Variants in UBR3 observed in about 807,000 individuals in gnomAD.
UBR3 encodes the protein E3 ubiquitin-protein ligase UBR3.
UBR3 carries 85 observed loss-of-function variants against 243.2 expected under a neutral mutation model. The ratio of observed to expected loss-of-function variants is 0.35; its 90% CI spans 0.29 to 0.42. The LOEUF (loss-of-function observed/expected upper bound fraction) is 0.42. Among genes scored for constraint, UBR3 ranks in the 10% least tolerant of loss-of-function variants. The pLI is 1.00. For synonymous variants in UBR3, 748 were observed against 799.8 expected (o/e 0.94, Z 1.09); for missense variants, 1,686 against 2,300.8 (o/e 0.73, Z 5.47).
At chr2:169,884,588 C>G (rs1231129142) in intron 5 of UBR3, among the ~76,000 whole-genome samples, 1 of 152,154 alleles carries the variant, frequency 6.6e-6, no homozygotes, top group Admixed American at 6.5e-5. Context: ...TTCCGCTAGT[C>G]TCTTTTTGGG....
intron 24 of UBR3, among the ~76,000 whole-genome samples, chr2:169,976,484 G>C (rs772152957): frequency 9.9e-5 from 15 of 152,056 alleles, no homozygotes; most frequent in Non-Finnish European, 1.9e-4. Flanking sequence ...GTCTAGGAGA[G>C]ACTTTATTTC....
intron 19 of UBR3, among the ~76,000 whole-genome samples, chr2:169,937,911 A>G (rs2086407463): frequency 6.6e-6 from 1 of 152,190 alleles, no homozygotes; most frequent in Admixed American, 6.5e-5. Context: ...CCAGAAGGAA[A>G]TGGTATTGGT....
intron 11 of UBR3, among the ~76,000 whole-genome samples, chr2:169,921,666 A>T (rs1161187210): frequency 6.6e-6 from 1 of 152,176 alleles, no homozygotes; most frequent in African/African-American, 2.4e-5. Flanking sequence ...TAACTTGCCC[A>T]TAGTTTTACA....
chr2:169,889,976 G>A (rs537983608), intron 5 of UBR3, among the ~76,000 whole-genome samples: 6 of 152,214 alleles, frequency 3.9e-5, no homozygotes, highest in South Asian at 4.2e-4. Context: ...CCACATTACC[G>A]CACCTCTTTA....
At chr2:169,895,424 A>G (rs1235807076) in intron 7 of UBR3, 113 bp downstream of exon 7, 1 of 1,175,050 alleles carries the variant, frequency 8.5e-7, no homozygotes, top group Non-Finnish European at 1.2e-6. Context: ...CACTATAAAC[A>G]AGTGTTAGTT....
intron 13 of UBR3, 113 bp downstream of exon 13, chr2:169,924,286 T>A: frequency 1.2e-6 from 1 of 822,332 alleles, no homozygotes; most frequent in Non-Finnish European, 1.8e-6. Context: ...AAAACTTTTT[T>A]TAAAAAGTTG....
At chr2:170,014,007 C>A (rs145652837) in intron 29 of UBR3, 2 of 457,958 alleles carry the variant, frequency 4.4e-6, no homozygotes, top group Non-Finnish European at 9.1e-6. Flanking sequence ...CAATGCAAAT[C>A]GCCTGAAGGG....
At chr2:169,861,579 C>G (rs1050592970) in intron 1 of UBR3, among the ~76,000 whole-genome samples, 2 of 149,042 alleles carry the variant, frequency 1.3e-5, no homozygotes, top group African/African-American at 5.0e-5. Flanking sequence ...TGCACTCCAG[C>G]CTGGGTGACA....
chr2:169,843,914 A>G (rs571461514), intron 1 of UBR3, among the ~76,000 whole-genome samples: 1 of 152,030 alleles, frequency 6.6e-6, no homozygotes, highest in South Asian at 2.1e-4. Context: ...GAAACAATCT[A>G]GGTTTGGAAT....
rs952504364 is a variant in UBR3, at chr2:169,839,044, A to G, written c.545+10992A>G. Reference sequence around the variant, plus strand: ...TATATATCCAAAAAAAGGGAAATCAATATATGGAAAAGAGACCTGAAGTCC... The same window carrying G: ...TATATATCCAAAAAAAGGGAAATCAGTATATGGAAAAGAGACCTGAAGTCC... On this transcript the variant is annotated intron_variant, in intron 1 of 38. Transcript: ENST00000272793. 2.0e-5 allele frequency among the ~76,000 whole-genome samples: 3 copies of G among 152,264 alleles called. No individual in the cohort carries two copies. The East Asian group carries it at 5.8e-4, about 29-fold the overall frequency.
intron 1 of UBR3, among the ~76,000 whole-genome samples, chr2:169,871,484 G>A (rs1323108233): frequency 6.6e-6 from 1 of 151,292 alleles, no homozygotes; most frequent in African/African-American, 2.4e-5. Flanking sequence ...AATGAATATA[G>A]GCCAGGCACA....
chr2:170,041,072 G>A, intron 32 of UBR3, 87 bp downstream of exon 32: 1 of 1,325,756 alleles, frequency 7.5e-7, no homozygotes. Flanking sequence ...GCTGGGTGTG[G>A]TGGCTCATGC....
chr2:169,979,818 T>C (rs975795572), intron 24 of UBR3, among the ~76,000 whole-genome samples: 8 of 152,202 alleles, frequency 5.3e-5, no homozygotes, highest in Admixed American at 3.3e-4. Flanking sequence ...TAAAGTTCGA[T>C]ATGTAACACT....
chr2:170,033,293 C>T (rs1486033366), intron 31 of UBR3, among the ~76,000 whole-genome samples: 1 of 151,990 alleles, frequency 6.6e-6, no homozygotes, highest in Non-Finnish European at 1.5e-5. Context: ...TATAGTACTT[C>T]ATGCTAGGCA....
rs2083701497 is a variant in UBR3, at chr2:169,878,505, A to G, written c.989-20A>G. The G allele has an allele frequency of 1.3e-6, 2 of 1,548,596 alleles. No individual in the cohort carries two copies. Among genetic ancestry groups the G allele is most frequent in the Non-Finnish European group, 1.7e-6 (2 of 1,145,242 alleles). On this transcript the variant is annotated intron_variant, in intron 4 of 38. Transcript: ENST00000272793. Reference sequence around the variant, plus strand: ...TATGTAGCAACTATGAAGGACAACTATTTTTCTTCTCCTCCAAAGGTTTCA... The same window carrying G: ...TATGTAGCAACTATGAAGGACAACTGTTTTTCTTCTCCTCCAAAGGTTTCA...
chr2:169,920,071 C>T (rs2085631172), intron 11 of UBR3, among the ~76,000 whole-genome samples: 1 of 152,090 alleles, frequency 6.6e-6, no homozygotes, highest in Non-Finnish European at 1.5e-5. Flanking sequence ...AAATGTCCAA[C>T]AATGATAGAG....
At chr2:169,921,078 C>A (rs186428348) in intron 11 of UBR3, among the ~76,000 whole-genome samples, 5 of 152,208 alleles carry the variant, frequency 3.3e-5, no homozygotes. Flanking sequence ...TAATTTGATA[C>A]CTCATCAAAT....
At chr2:170,046,288 T>C (rs999668151) in intron 32 of UBR3, among the ~76,000 whole-genome samples, 3 of 152,194 alleles carry the variant, frequency 2.0e-5, no homozygotes, top group African/African-American at 7.2e-5. Context: ...TAAATATTAT[T>C]TGGTTTATTT....
chr2:169,832,261 CTG>C (rs1341189781), intron 1 of UBR3, among the ~76,000 whole-genome samples: 2 of 152,128 alleles, frequency 1.3e-5, no homozygotes, highest in African/African-American at 4.8e-5. Flanking sequence ...GTGCTAATAA[CTG>C]TATGTGGCTG....
Sources: gnomAD v4.1 joint callset for allele counts (sites outside exome capture counted in the v4.1 genomes callset) on GRCh38, gnomAD v4.1.1 for gene constraint, MANE v1.5 for transcripts, NCBI Gene and HGNC (gene_info 2026-07-23, HGNC 2026-07-21) for gene names.